LAMA3: variants seen among roughly 807,000 people sequenced by gnomAD.
LAMA3 encodes laminin subunit alpha 3.
A neutral mutation model predicts 402.0 loss-of-function variants in LAMA3; 281 were observed. The observed-to-expected ratio is 0.70, with a 90% CI of 0.63 to 0.77. LAMA3 has a LOEUF of 0.77. Ranked by LOEUF, LAMA3 falls within the 30% of genes least tolerant of loss-of-function variation. The pLI, the probability that LAMA3 is intolerant of heterozygous loss-of-function variation, is 0.00. For synonymous variants in LAMA3, 1,431 were observed against 1,558.4 expected (o/e 0.92, Z 1.93); for missense variants, 3,840 against 4,215.5 (o/e 0.91, Z 2.47).
At chr18:23,790,613 C>T (rs1306301230) in intron 12 of LAMA3, among the ~76,000 whole-genome samples, 3 of 152,252 alleles carry the variant, frequency 2.0e-5, no homozygotes, top group South Asian at 4.1e-4. Flanking sequence ...CTTGCGGCTT[C>T]GGACTTTCAA....
intron 39 of LAMA3, among the ~76,000 whole-genome samples, chr18:23,877,048 C>G (rs2064745240): frequency 6.6e-6 from 1 of 152,018 alleles, no homozygotes; most frequent in Non-Finnish European, 1.5e-5. Flanking sequence ...ACACCATAAA[C>G]AACAACAACA....
intron 59 of LAMA3, 56 bp from the exon 60 acceptor site, chr18:23,916,495 C>T (rs577536145): frequency 2.9e-5 from 46 of 1,588,252 alleles, no homozygotes; most frequent in Middle Eastern, 1.7e-4. Flanking sequence ...AATAAGCACA[C>T]TGGCATGGTG....
chr18:23,777,353 T>C (rs1318030919), intron 10 of LAMA3, among the ~76,000 whole-genome samples: 1 of 152,212 alleles, frequency 6.6e-6, no homozygotes, highest in East Asian at 1.9e-4. Context: ...TGTTCATCGT[T>C]ATACAAATGG....
intron 8 of LAMA3, among the ~76,000 whole-genome samples, chr18:23,766,108 A>G (rs1568161801): frequency 6.6e-6 from 1 of 152,180 alleles, no homozygotes; most frequent in Non-Finnish European, 1.5e-5. Context: ...AAAAAGCTTA[A>G]TGAACCCTAA....
intron 32 of LAMA3, among the ~76,000 whole-genome samples, chr18:23,853,570 C>G (rs1041571909): frequency 2.0e-5 from 3 of 152,224 alleles, no homozygotes. Context: ...CTGCACCCGG[C>G]CCCTTAATGA....
intron 74 of LAMA3, among the ~76,000 whole-genome samples, chr18:23,953,542 A>C (rs1431375168): frequency 6.6e-6 from 1 of 151,864 alleles, no homozygotes; most frequent in Admixed American, 6.6e-5. Context: ...GGGTTTTGCT[A>C]TGTTGGCCAG....
At chr18:23,757,371 T>C (rs540162996) in intron 6 of LAMA3, among the ~76,000 whole-genome samples, 2 of 152,114 alleles carry the variant, frequency 1.3e-5, no homozygotes, top group Admixed American at 1.3e-4. Flanking sequence ...TCCAGCCTGC[T>C]TGGCGCTCTC....
chr18:23,742,951 A>G (rs941152014), intron 2 of LAMA3, among the ~76,000 whole-genome samples: 1 of 152,182 alleles, frequency 6.6e-6, no homozygotes, highest in African/African-American at 2.4e-5. Context: ...CTTATTTTGT[A>G]TGTGACTTTA....
chr18:23,929,237 G>T (rs1271700797), intron 64 of LAMA3, among the ~76,000 whole-genome samples: 1 of 152,168 alleles, frequency 6.6e-6, no homozygotes, highest in East Asian at 1.9e-4. Context: ...GAGAAAATAA[G>T]ATCCTTTTCT....
rs576294155 is a variant in LAMA3, at chr18:23,818,272, T to TG, written c.2148-1568dup. On this transcript the variant is annotated intron_variant, in intron 18 of 74. Transcript: ENST00000313654. ...TTTTTTCTTCTTCCAACTATGTAGG[T>TG]GATTGACTGATTTTCAGCATAAAAT... 1.2e-4 allele frequency among the ~76,000 whole-genome samples: 19 copies of TG among 152,358 alleles called. No homozygotes were observed. In the East Asian group the frequency reaches 3.7e-3, roughly 29 times the overall value.
At chr18:23,730,184 C>T (rs1366615425) in intron 2 of LAMA3, among the ~76,000 whole-genome samples, 1 of 152,126 alleles carries the variant, frequency 6.6e-6, no homozygotes, top group African/African-American at 2.4e-5. Context: ...GTGGACACAG[C>T]TTCATGGCCT....
At chr18:23,892,087 G>A (rs1300572417) in intron 42 of LAMA3, among the ~76,000 whole-genome samples, 2 of 152,196 alleles carry the variant, frequency 1.3e-5, no homozygotes, top group Non-Finnish European at 2.9e-5. Flanking sequence ...AAGAGTAGAA[G>A]CAAGAGGAAG....
intron 2 of LAMA3, among the ~76,000 whole-genome samples, chr18:23,717,815 C>T (rs1247801025): frequency 6.7e-6 from 1 of 149,894 alleles, no homozygotes; most frequent in Non-Finnish European, 1.5e-5. Context: ...GTGATCCACC[C>T]ATCTCGGCCT....
At chr18:23,837,578 T>TATATATATATATATAC (rs2063611808) in intron 25 of LAMA3, among the ~76,000 whole-genome samples, 1 of 140,996 alleles carries the variant, frequency 7.1e-6, no homozygotes, top group Non-Finnish European at 1.5e-5. Context: ...CAGATATATA[T>TATATATATATATATAC]ATATATATAT....
chr18:23,742,222 T>G (rs936190008), intron 2 of LAMA3, among the ~76,000 whole-genome samples: 3 of 152,198 alleles, frequency 2.0e-5, no homozygotes, highest in Admixed American at 2.0e-4. Flanking sequence ...ACCAATTCTA[T>G]GATGGAACAT....
chr18:23,757,568 A>G (rs2061876068), intron 6 of LAMA3, among the ~76,000 whole-genome samples: 1 of 151,194 alleles, frequency 6.6e-6, no homozygotes, highest in South Asian at 2.1e-4. Context: ...CAGGGGGCTC[A>G]TCCATCGAAT....
At chr18:23,952,733 C>T (rs2082958788) in intron 73 of LAMA3, among the ~76,000 whole-genome samples, 2 of 152,182 alleles carry the variant, frequency 1.3e-5, no homozygotes, top group African/African-American at 4.8e-5. Context: ...CTCAGTGAGA[C>T]ACATTCTCTT....
At chr18:23,731,683 G>GTAGGAATT in intron 2 of LAMA3, among the ~76,000 whole-genome samples, 1 of 152,140 alleles carries the variant, frequency 6.6e-6, no homozygotes, top group Non-Finnish European at 1.5e-5. Flanking sequence ...TTTCCCATGA[G>GTAGGAATT]CCTGGAATTC....
At chr18:23,908,896 A>T (rs530549960) in intron 54 of LAMA3, among the ~76,000 whole-genome samples, 1 of 152,228 alleles carries the variant, frequency 6.6e-6, no homozygotes, top group East Asian at 1.9e-4. Context: ...ACAGCACCCA[A>T]TTCAAAACTT....
Sources: allele counts gnomAD v4.1 joint callset (sites outside exome capture counted in the v4.1 genomes callset), GRCh38; gene constraint gnomAD v4.1.1; transcripts MANE v1.5; gene names NCBI Gene and HGNC (gene_info 2026-07-23, HGNC 2026-07-21).